PCDHA3: variants seen among roughly 807,000 people sequenced by gnomAD.
PCDHA3 encodes the protein protocadherin alpha-3.
PCDHA3 carries 41 observed loss-of-function variants against 62.2 expected under a neutral mutation model. That is an observed-to-expected ratio of 0.66 (90% CI 0.51 to 0.86). The LOEUF is 0.86. PCDHA3 is among the 40% of genes least tolerant of loss of function. PCDHA3 has a pLI of 0.00. For synonymous variants in PCDHA3, 640 were observed against 555.4 expected, an observed-to-expected ratio of 1.15 and a Z score of -2.14; for missense variants, 1,304 against 1,241.2, an observed-to-expected ratio of 1.05 and a Z score of -0.76.
intron 1 of PCDHA3, chr5:140,807,458 G>T: frequency 6.2e-7 from 1 of 1,608,232 alleles, no homozygotes; most frequent in Non-Finnish European, 8.5e-7. Flanking sequence ...TTCTCGGATC[G>T]ACCGGGAGGA....
At chr5:141,001,985 GAAGTTC>G in intron 3 of PCDHA3, among the ~76,000 whole-genome samples, 1 of 152,312 alleles carries the variant, frequency 6.6e-6, no homozygotes, top group Admixed American at 6.5e-5. Context: ...GGAAAGCCTG[GAAGTTC>G]ACTTGCAAAC....
intron 1 of PCDHA3, chr5:140,870,360 C>T (rs1562642999): frequency 6.2e-7 from 1 of 1,614,166 alleles, no homozygotes; most frequent in Non-Finnish European, 8.5e-7. Context: ...ACGTGTGGGC[C>T]TATGAACTGG....
At chr5:140,901,297 T>C (rs1224181769) in intron 1 of PCDHA3, among the ~76,000 whole-genome samples, 1 of 152,234 alleles carries the variant, frequency 6.6e-6, no homozygotes, top group Non-Finnish European at 1.5e-5. Context: ...CAGACTGATG[T>C]TCCGGAGAGT....
Position 140,857,393 on chromosome 5 carries a change from G to A in PCDHA3, c.2394+53802G>A, listed in dbSNP as rs146099067. 164 of 1,598,378 alleles carry A rather than the reference G, an allele frequency of 1.0e-4. 11 individuals are homozygous for A. Among genetic ancestry groups the A allele is most frequent in the Non-Finnish European group, 1.3e-4 (157 of 1,167,892 alleles). ...GTCTGTGGAGGTGGCCGACGTGAAC[G>A]ACAACGCGCCTGCGTTCGCGCAGTC... On this transcript the variant is annotated intron_variant, in intron 1 of 3. Coordinates refer to ENST00000522353, the MANE Select transcript of PCDHA3 (RefSeq NM_018906.3).
chr5:140,829,643 T>C (rs2150171954), intron 1 of PCDHA3: 3 of 1,612,246 alleles, frequency 1.9e-6, no homozygotes, highest in South Asian at 1.1e-5. Flanking sequence ...CGGCAAGGTG[T>C]ACGCGCTGCA....
At chr5:140,945,762 G>A (rs570176768) in intron 1 of PCDHA3, among the ~76,000 whole-genome samples, 122 of 152,196 alleles carry the variant, frequency 8.0e-4, no homozygotes, top group South Asian at 2.3e-3. Context: ...ATGGTGGTGG[G>A]ACAATTTGAT....
chr5:140,877,699 A>G (rs1554169995), intron 1 of PCDHA3: 2 of 1,613,896 alleles, frequency 1.2e-6, no homozygotes, highest in Middle Eastern at 1.7e-4. Flanking sequence ...GGTGTGCTCC[A>G]GCGCCGTGGG....
At chr5:140,920,415 G>A (rs1229102806) in intron 1 of PCDHA3, among the ~76,000 whole-genome samples, 4 of 152,002 alleles carry the variant, frequency 2.6e-5, no homozygotes, top group Non-Finnish European at 5.9e-5. Flanking sequence ...ATCAGATACA[G>A]CTGTTCTCCC....
rs3776115 is a variant in PCDHA3 at position 140,970,956 on chromosome 5, G to A, written c.2395-7993G>A. Among the ~76,000 whole-genome samples, 119 of 152,278 alleles carry A rather than the reference G, an allele frequency of 7.8e-4. 3 individuals carry two copies. In the East Asian group the frequency reaches 0.019, roughly 25 times the overall value. On this transcript the variant is annotated intron_variant, in intron 1 of 3. Coordinates refer to ENST00000522353, the MANE Select transcript of PCDHA3 (RefSeq NM_018906.3). The stretch of plus-strand genomic sequence containing the variant: ...TAGTCAATGCTGAGAAACCATGGGA[G>A]GCAGATTGTAGATTAAGAAAAATGG...
intron 1 of PCDHA3, chr5:140,884,143 G>A: frequency 6.2e-7 from 1 of 1,613,438 alleles, no homozygotes; most frequent in Non-Finnish European, 8.5e-7. Context: ...TCCGCGTGGG[G>A]CTGTACACTG....
At chr5:140,813,295 A>G (rs1554126164) in intron 1 of PCDHA3, 1 of 152,192 alleles carries the variant, frequency 6.6e-6, no homozygotes, top group African/African-American at 2.4e-5. Flanking sequence ...TCATTCTGAG[A>G]TTTCATCACT....
intron 1 of PCDHA3, chr5:140,828,072 T>C (rs2150150600): frequency 1.3e-6 from 2 of 1,566,666 alleles, no homozygotes; most frequent in Non-Finnish European, 1.7e-6. Flanking sequence ...CTAATGGAAA[T>C]AAAACCAGAG....
At chr5:140,876,843 G>A (rs1554169011) in intron 1 of PCDHA3, 3 of 1,614,128 alleles carry the variant, frequency 1.9e-6, no homozygotes, top group East Asian at 2.2e-5. Flanking sequence ...CGTTCGCGCA[G>A]CCCGAGTACA....
chr5:140,824,636 T>TTTTTTTTTTTTTTG (rs1554130013), intron 1 of PCDHA3: 1 of 143,196 alleles, frequency 7.0e-6, no homozygotes, highest in Non-Finnish European at 1.5e-5. Flanking sequence ...TTTTTTTATT[T>TTTTTTTTTTTTTTG]TCTGTAGAGA....
At chr5:140,841,702 T>C in intron 1 of PCDHA3, 2 of 1,613,896 alleles carry the variant, frequency 1.2e-6, no homozygotes, top group African/African-American at 1.3e-5. Context: ...AGGATGTTAA[T>C]GACAACCCGC....
chr5:140,808,557 A>C, intron 1 of PCDHA3: 2 of 1,614,098 alleles, frequency 1.2e-6, no homozygotes, highest in Non-Finnish European at 8.5e-7. Flanking sequence ...GCGTTCGCGC[A>C]GCCCGAGTAC....
rs1762995615 is a variant in PCDHA3, at chr5:140,802,678, T to C, written c.1481T>C (p.Leu494Pro). Residue 494 changes from leucine (L) to proline (P), a missense_variant, in exon 1 of 4, where the codon CTG (leucine) becomes CCG (proline). Transcript: ENST00000522353. ...GAGAACGCCCTGGTGTCCTACTCGCTGGTGGAACGGCGGGTGGGGGAGCGC... is the reference window on the plus strand; with the variant it reads ...GAGAACGCCCTGGTGTCCTACTCGCCGGTGGAACGGCGGGTGGGGGAGCGC... ...AQENALVSYS[L>P]VERRVGERAL... is the part of the protein sequence containing the mutation. The C allele has an allele frequency of 3.1e-6, 5 of 1,613,268 alleles. No individual in the cohort carries two copies. The East Asian group carries it at 1.1e-4, about 36-fold the overall frequency.
chr5:140,850,082 G>A lies in PCDHA3; in HGVS notation c.2394+46491G>A. On this transcript the variant is annotated intron_variant, in intron 1 of 3. Coordinates refer to ENST00000522353, the MANE Select transcript of PCDHA3 (RefSeq NM_018906.3). ...AGCCGTTGGACCACGAGGAGCTGGA[G>A]CTGCTACAGTTCCAGGTGAGCGCGC... 2 of 1,596,634 alleles carry A rather than the reference G, an allele frequency of 1.3e-6. 1 individual carries two copies. Among genetic ancestry groups the A allele is most frequent in the Non-Finnish European group, 1.7e-6 (2 of 1,167,856 alleles).
intron 1 of PCDHA3, among the ~76,000 whole-genome samples, chr5:140,911,786 TG>T (rs1394803815): frequency 6.6e-6 from 1 of 152,212 alleles, no homozygotes; most frequent in Non-Finnish European, 1.5e-5. Flanking sequence ...TTAGCATTTT[TG>T]GGTCTAATCA....
Sources: allele counts gnomAD v4.1 joint callset (sites outside exome capture counted in the v4.1 genomes callset), GRCh38; gene constraint gnomAD v4.1.1; transcripts MANE v1.5; gene names NCBI Gene and HGNC (gene_info 2026-07-23, HGNC 2026-07-21).